Variants in TOX3 observed in about 807,000 individuals in gnomAD.
TOX3 encodes the protein CAG trinucleotide repeat-containing gene F9 protein.
A neutral mutation model predicts 64.3 loss-of-function variants in TOX3; 22 were observed. The ratio of observed to expected loss-of-function variants is 0.34; its 90% confidence interval spans 0.24 to 0.49. The LOEUF (loss-of-function observed/expected upper bound fraction) is 0.49. Ranked by LOEUF, TOX3 falls within the 20% of genes least tolerant of loss-of-function variation. The probability of loss-of-function intolerance (pLI) is 0.99; values close to 1 mark genes in which losing one functional copy is unlikely to be tolerated. For missense variants in TOX3, 661 were observed against 714.4 expected, an observed-to-expected ratio of 0.93 and a Z score of 0.85; for synonymous variants, 291 against 273.6, an observed-to-expected ratio of 1.06 and a Z score of -0.63.
In TOX3 at chr16:52,482,952, AT is replaced by A. The variant is rs757716973; in HGVS notation, c.88-14379del. Among the ~76,000 whole-genome samples, 91 of 151,754 alleles carry A rather than the reference AT, an allele frequency of 6.0e-4. 1 individual carries two copies. Among genetic ancestry groups the A allele is most frequent in the African/African-American group, 1.9e-3 (77 of 41,410 alleles). On this transcript the variant is annotated intron_variant, in intron 1 of 6. Coordinates refer to ENST00000219746, the MANE Select transcript of TOX3 (RefSeq NM_001080430.4). ...ATAATAAAAATAAGTTAGAGGTATGATTTTTTTTTAAGAACTGCAGCTGCCT... is the reference window on the plus strand; with the variant it reads ...ATAATAAAAATAAGTTAGAGGTATGATTTTTTTTAAGAACTGCAGCTGCCT...
At chr16:52,521,104 C>T (rs1466995387) in intron 1 of TOX3, among the ~76,000 whole-genome samples, 1 of 152,202 alleles carries the variant, frequency 6.6e-6, no homozygotes. Context: ...CTCCCTCTCT[C>T]TCTCTTCCCC....
In TOX3 at chr16:52,439,501, G is replaced by A; in HGVS notation, c.1455C>T (p.His485=). 5.0e-6 allele frequency: 7 copies of A among 1,393,580 alleles called. No individual in the cohort carries two copies. Among genetic ancestry groups the A allele is most frequent in the South Asian group, 1.2e-5 (1 of 81,504 alleles). 86.3% of individuals were successfully genotyped at this position (1,393,580 alleles called of 1,614,324 possible). The change falls in exon 7 of 7, where the codon CAC becomes CAT. Residue 485 remains histidine (H), a synonymous_variant. Coordinates refer to ENST00000219746, the MANE Select transcript of TOX3 (RefSeq NM_001080430.4). ...QQMQQQHFQH[H]MQQHLQQQQQ... The stretch of plus-strand genomic sequence containing the variant: ...GCTGCTGCTGCAGGTGCTGCTGCAT[G>A]TGGTGCTGGAAATGCTGCTGCTGCA...
In TOX3 at chr16:52,437,139, A is replaced by G. The variant is rs1959774631; in HGVS notation, c.*2086T>C. 1 of 152,234 alleles carries G rather than the reference A, an allele frequency of 6.6e-6. No individual in the cohort carries two copies. The highest frequency in any genetic ancestry group is 2.1e-4 in the South Asian group (1 of 4,832). The allele number at this position is 152,234 out of a possible 1,614,324, so 9.4% of individuals were successfully genotyped here. On this transcript the variant is annotated 3_prime_UTR_variant, in exon 7 of 7. Coordinates refer to ENST00000219746, the MANE Select transcript of TOX3 (RefSeq NM_001080430.4). The stretch of plus-strand genomic sequence containing the variant: ...GGCTGTTTGAACACTGATACCTGTC[A>G]ACTAATACATCTTATGAAAAGCTTC...
intron 1 of TOX3, among the ~76,000 whole-genome samples, chr16:52,471,829 T>A (rs536270656): frequency 1.3e-5 from 2 of 152,302 alleles, no homozygotes; most frequent in Admixed American, 1.3e-4. Flanking sequence ...AGTAAGATAA[T>A]TATCATCCCT....
At chr16:52,496,364 G>A (rs968470962) in intron 1 of TOX3, among the ~76,000 whole-genome samples, 11 of 152,112 alleles carry the variant, frequency 7.2e-5, no homozygotes, top group Admixed American at 3.9e-4. Flanking sequence ...CTGAGCACAC[G>A]CAACATACTA....
chr16:52,439,134 C>T lies in TOX3; in HGVS notation c.*91G>A. The T allele has an allele frequency of 1.3e-6, 2 of 1,572,732 alleles. No homozygotes were observed. The highest frequency in any genetic ancestry group is 1.7e-6 in the Non-Finnish European group (2 of 1,156,620). On this transcript the variant is annotated 3_prime_UTR_variant, in exon 7 of 7. Coordinates refer to ENST00000219746, the MANE Select transcript of TOX3 (RefSeq NM_001080430.4). ...TGATCTGTTACACATTTCTGCATAA[C>T]CAACACCAACTTACAGGTTTCAGCC...
chr16:52,521,217 A>G (rs1962599690), intron 1 of TOX3, among the ~76,000 whole-genome samples: 3 of 152,226 alleles, frequency 2.0e-5, no homozygotes, highest in African/African-American at 7.2e-5. Flanking sequence ...TGTAATAAGA[A>G]AGCCTGAAAG....
At chr16:52,455,348 C>T (rs930629579) in intron 3 of TOX3, among the ~76,000 whole-genome samples, 35 of 152,086 alleles carry the variant, frequency 2.3e-4, no homozygotes, top group African/African-American at 8.0e-4. Context: ...TCTCTGGCCT[C>T]TACCCACTAG....
chr16:52,475,797 C>T (rs1961189518), intron 1 of TOX3, among the ~76,000 whole-genome samples: 1 of 152,142 alleles, frequency 6.6e-6, no homozygotes, highest in African/African-American at 2.4e-5. Flanking sequence ...GTGCTAAGGA[C>T]TGCAGAACAA....
chr16:52,465,218 G>T (rs1960824321), intron 2 of TOX3, among the ~76,000 whole-genome samples: 1 of 151,370 alleles, frequency 6.6e-6, no homozygotes, highest in Non-Finnish European at 1.5e-5. Context: ...GTTTCACCGT[G>T]TTAGGCAGGA....
intron 1 of TOX3, among the ~76,000 whole-genome samples, chr16:52,515,430 A>G (rs1962429279): frequency 6.6e-6 from 1 of 152,238 alleles, no homozygotes; most frequent in Admixed American, 6.5e-5. Context: ...TTCTGAGGTT[A>G]CATAGCTGGC....
chr16:52,531,779 C>A (rs939473160), intron 1 of TOX3, among the ~76,000 whole-genome samples: 5 of 151,902 alleles, frequency 3.3e-5, no homozygotes, highest in Admixed American at 6.6e-5. Flanking sequence ...AAGATTAAAC[C>A]AGAAGTAAAG....
intron 3 of TOX3, among the ~76,000 whole-genome samples, chr16:52,461,938 A>AGAACAAAG (rs1483325565): frequency 3.9e-5 from 6 of 152,178 alleles, no homozygotes; most frequent in South Asian, 2.1e-4. Flanking sequence ...GGTAGTACAT[A>AGAACAAAG]GAACAAAGCC....
At chr16:52,532,154 G>C (rs1277699391) in intron 1 of TOX3, among the ~76,000 whole-genome samples, 1 of 152,124 alleles carries the variant, frequency 6.6e-6, no homozygotes, top group Admixed American at 6.5e-5. Context: ...GAGGATTTGA[G>C]ACCCTGGGGT....
At chr16:52,527,975 A>C (rs1003330377) in intron 1 of TOX3, among the ~76,000 whole-genome samples, 6 of 152,192 alleles carry the variant, frequency 3.9e-5, no homozygotes, top group African/African-American at 1.2e-4. Context: ...CCTATGATAC[A>C]CAGGAAAGTT....
At chr16:52,519,450 G>A (rs1382443578) in intron 1 of TOX3, 19 of 1,551,366 alleles carry the variant, frequency 1.2e-5, no homozygotes, top group African/African-American at 4.1e-5. Flanking sequence ...TCCTCAATGC[G>A]CCTGGCTCCC....
At position 52,459,987 on chromosome 16, in the gene TOX3, G is replaced by A. The variant is rs186896738; in HGVS notation, c.408+3947C>T. On this transcript the variant is annotated intron_variant, in intron 3 of 6. Transcript: ENST00000219746. ...AAATTGCCATTTTTCTATCAAAAAT[G>A]ATATCTGTCTGGATTATGACTTAAG... 4.6e-5 allele frequency among the ~76,000 whole-genome samples: 7 copies of A among 152,164 alleles called. No individual in the cohort carries two copies. In the East Asian group the frequency reaches 1.2e-3, roughly 25 times the overall value.
intron 1 of TOX3, among the ~76,000 whole-genome samples, chr16:52,508,650 A>C (rs1962223461): frequency 6.6e-6 from 1 of 152,190 alleles, no homozygotes; most frequent in Non-Finnish European, 1.5e-5. Context: ...ATATAAAGAA[A>C]AAACAAGGGA....
At chr16:52,544,791 T>C (rs1963140871) in intron 1 of TOX3, among the ~76,000 whole-genome samples, 3 of 152,190 alleles carry the variant, frequency 2.0e-5, no homozygotes, top group African/African-American at 7.2e-5. Context: ...CACCCCCAAT[T>C]TCCTCTGGTC....
Sources: gnomAD v4.1 joint callset for allele counts (sites outside exome capture counted in the v4.1 genomes callset) on GRCh38, gnomAD v4.1.1 for gene constraint, MANE v1.5 for transcripts, NCBI Gene and HGNC (gene_info 2026-07-23, HGNC 2026-07-21) for gene names.